The following ABCA1 variants were observed in gnomAD, a reference collection of about 807,000 sequenced individuals.
ABCA1 encodes the protein ATP binding cassette subfamily A member 1.
ABCA1 carries 133 observed loss-of-function variants against 262.5 expected under a neutral mutation model. The observed-to-expected ratio is 0.51, with a 90% CI of 0.44 to 0.59. ABCA1 has a LOEUF of 0.59. Ranked by LOEUF, ABCA1 falls within the 20% of genes least tolerant of loss-of-function variation. The pLI, the probability that ABCA1 is intolerant of heterozygous loss-of-function variation, is 0.00. For missense variants in ABCA1, 2,452 were observed against 2,777.5 expected (o/e 0.88, Z 2.63); for synonymous variants, 1,022 against 1,043.5 (o/e 0.98, Z 0.40).
At position 104,825,726 on chromosome 9, in the gene ABCA1, G is replaced by A. The variant is rs1391799443; in HGVS notation, c.2499C>T (p.Phe833=). 3 of 1,614,102 alleles carry A rather than the reference G, an allele frequency of 1.9e-6. No homozygotes were observed. The highest frequency in any genetic ancestry group is 2.5e-6 in the Non-Finnish European group (3 of 1,180,040). Residue 833 remains phenylalanine, a synonymous_variant, in exon 17 of 50, where the codon TTC becomes TTT. Coordinates refer to ENST00000374736, the MANE Select transcript of ABCA1 (RefSeq NM_005502.4). ...TGTACCAGGTCATCACCCCATAGAG[G>A]AAGGTGTCAAACAGCATCATGGAGA... ...TSVSMMLFDT[F]LYGVMTWYIE... is the part of the protein sequence containing the mutation.
rs1411370102 is a variant in ABCA1 at position 104,784,065 on chromosome 9, A to T, written c.*250T>A. 8.2e-6 allele frequency: 4 copies of T among 485,208 alleles called. No individual in the cohort carries two copies. In the Admixed American group the frequency reaches 1.0e-4, roughly 12 times the overall value. The allele number at this position is 485,208 out of a possible 1,614,324, so 30.1% of individuals were successfully genotyped here. On this transcript the variant is annotated 3_prime_UTR_variant, in exon 50 of 50. Coordinates refer to ENST00000374736, the MANE Select transcript of ABCA1 (RefSeq NM_005502.4). ...TTCCATAATAGAGTTTCACATAGGT[A>T]TAGGTAAAAAACTAAATTCAAGTCT...
intron 44 of ABCA1, among the ~76,000 whole-genome samples, chr9:104,789,444 G>T (rs995306348): frequency 6.6e-6 from 1 of 152,206 alleles, no homozygotes; most frequent in Non-Finnish European, 1.5e-5. Context: ...CTGCAAAAAT[G>T]TAAGAGACAG....
chr9:104,886,722 T>C (rs1839211536), intron 3 of ABCA1, among the ~76,000 whole-genome samples: 1 of 152,154 alleles, frequency 6.6e-6, no homozygotes, highest in Admixed American at 6.5e-5. Context: ...CCCCATCCTA[T>C]TTGCAAACAA....
chr9:104,909,779 A>G (rs1354413904), intron 1 of ABCA1, among the ~76,000 whole-genome samples: 1 of 151,920 alleles, frequency 6.6e-6, no homozygotes, highest in East Asian at 1.9e-4. Context: ...TTTCCAGGAG[A>G]GATGAGAGAT....
intron 6 of ABCA1, among the ~76,000 whole-genome samples, chr9:104,861,139 T>C (rs776233336): frequency 6.6e-6 from 1 of 152,178 alleles, no homozygotes; most frequent in East Asian, 1.9e-4. Flanking sequence ...AGAGCTAAAA[T>C]TGGAGAGATT....
chr9:104,804,544 C>T lies in ABCA1; in HGVS notation c.4559+82G>A, dbSNP rs893405798. 8.1e-6 allele frequency: 9 copies of T among 1,115,026 alleles called. No homozygotes were observed. The Admixed American group carries it at 1.2e-4, about 15-fold the overall frequency. The allele number at this position is 1,115,026 out of a possible 1,614,324, so 69.1% of individuals were successfully genotyped here. ...AGGCCATAATCTGGCATTTCCCCCA[C>T]TGTTTCAGTCTGTTATTTGTAGGTC... On this transcript the variant is annotated intron_variant, in intron 32 of 49. Coordinates refer to ENST00000374736, the MANE Select transcript of ABCA1 (RefSeq NM_005502.4).
At chr9:104,874,778 G>C (rs1234198106) in intron 5 of ABCA1, among the ~76,000 whole-genome samples, 1 of 140,708 alleles carries the variant, frequency 7.1e-6, no homozygotes, top group East Asian at 2.0e-4. Flanking sequence ...GGAGGGAGGT[G>C]GGGGGCAGCC....
intron 7 of ABCA1, chr9:104,855,949 A>G (rs1411235634): frequency 1.2e-6 from 2 of 1,612,860 alleles, no homozygotes; most frequent in Admixed American, 3.3e-5. Context: ...GTGAAATTCC[A>G]CTTTTGGTAC....
intron 12 of ABCA1, 59 bp from the exon 13 acceptor site, chr9:104,831,886 A>C: frequency 6.7e-7 from 1 of 1,497,256 alleles, no homozygotes; most frequent in Non-Finnish European, 9.3e-7. Flanking sequence ...GCAGTGGCTG[A>C]GACAAATCCT....
chr9:104,926,026 A>AC (rs398011732), intron 1 of ABCA1, among the ~76,000 whole-genome samples: 1 of 151,366 alleles, frequency 6.6e-6, no homozygotes, highest in Non-Finnish European at 1.5e-5. Flanking sequence ...TAAAAAAAAA[A>AC]GAAAAAAAAA....
intron 7 of ABCA1, among the ~76,000 whole-genome samples, chr9:104,857,886 T>C (rs1835985503): frequency 6.6e-6 from 1 of 152,158 alleles, no homozygotes; most frequent in African/African-American, 2.4e-5. Context: ...TAGAGACATA[T>C]TTGTTCTGGA....
intron 31 of ABCA1, among the ~76,000 whole-genome samples, 160 bp from the exon 32 acceptor site, chr9:104,804,880 C>G (rs1010784161): frequency 1.3e-5 from 2 of 152,196 alleles, no homozygotes; most frequent in African/African-American, 2.4e-5. Context: ...ACTTGGTTCA[C>G]CCTGCCCTCG....
At position 104,783,459 on chromosome 9, in the gene ABCA1, C is replaced by T. The variant is rs1828662866; in HGVS notation, c.*856G>A. 6.6e-6 allele frequency: 1 copy of T among 152,210 alleles called. No individual in the cohort carries two copies. Among genetic ancestry groups the T allele is most frequent in the Non-Finnish European group, 1.5e-5 (1 of 68,084 alleles). The allele number at this position is 152,210 out of a possible 1,614,324, so 9.4% of individuals were successfully genotyped here. On this transcript the variant is annotated 3_prime_UTR_variant, in exon 50 of 50. Coordinates refer to ENST00000374736, the MANE Select transcript of ABCA1 (RefSeq NM_005502.4). ...GTTTGAACGCACAATCTCTTTAATC[C>T]CATGCCCTGGCTTCAGCAGCTTGCA...
At chr9:104,832,463 A>G (rs1001365964) in intron 12 of ABCA1, 111 bp downstream of exon 12, 2 of 1,194,242 alleles carry the variant, frequency 1.7e-6, no homozygotes, top group African/African-American at 3.0e-5. Context: ...ATAGTTTTGT[A>G]AATGAGACTA....
At chr9:104,790,860 T>G in intron 44 of ABCA1, 62 bp downstream of exon 44, 4 of 1,172,752 alleles carry the variant, frequency 3.4e-6, no homozygotes, top group Non-Finnish European at 5.1e-6. Flanking sequence ...TAACAACCTA[T>G]TTCTTTAAAT....
rs1490595883 is a variant in ABCA1 at position 104,827,072 on chromosome 9, G to T, written c.2213C>A (p.Thr738Lys). The change falls in exon 16 of 50, where the codon ACA becomes AAA. Residue 738 changes from threonine (T) to lysine (K), a missense_variant. This residue lies in a region of ABCA1 where 1,032 missense variants were observed against 1,089.7 expected (regional missense o/e 0.95). Transcript: ENST00000374736. Reference protein sequence around the residue: ...VTILQCFLISTLFSRANLAAA... With the variant: ...VTILQCFLISKLFSRANLAAA... ...TGCCAGGTTGGCTCTGGAGAAGAGT[G>T]TGCTAATCAGGAAGCACTGCAGGAT... 6.2e-7 allele frequency: 1 copy of T among 1,614,188 alleles called. No individual in the cohort carries two copies. Among genetic ancestry groups the T allele is most frequent in the Admixed American group, 1.7e-5 (1 of 60,024 alleles).
chr9:104,845,586 A>C lies in ABCA1; in HGVS notation c.721-17T>G. The C allele has an allele frequency of 6.4e-7, 1 of 1,569,766 alleles. No individual in the cohort carries two copies. Among genetic ancestry groups the C allele is most frequent in the Non-Finnish European group, 8.8e-7 (1 of 1,140,288 alleles). ...TAGTGTTCTCTGTAATGAGAAAGAAAACTTTGTTTCTGAATTCAAATGTAA... is the reference window on the plus strand; with the variant it reads ...TAGTGTTCTCTGTAATGAGAAAGAACACTTTGTTTCTGAATTCAAATGTAA... On this transcript the variant is annotated splice_polypyrimidine_tract_variant and intron_variant, in intron 7 of 49. Coordinates refer to ENST00000374736, the MANE Select transcript of ABCA1 (RefSeq NM_005502.4).
chr9:104,834,447 C>T (rs77776122), intron 11 of ABCA1, among the ~76,000 whole-genome samples: 2,592 of 149,490 alleles, frequency 0.017, 168 homozygotes, highest in African/African-American at 0.045. Flanking sequence ...TTGTACCTCA[C>T]AAGTTCACAG....
At chr9:104,913,989 C>T (rs927628367) in intron 1 of ABCA1, among the ~76,000 whole-genome samples, 3 of 151,598 alleles carry the variant, frequency 2.0e-5, no homozygotes, top group Admixed American at 6.6e-5. Flanking sequence ...TTAGTAGAGA[C>T]GGGGTTTCGC....
Sources: allele counts gnomAD v4.1 joint callset (sites outside exome capture counted in the v4.1 genomes callset), GRCh38; gene constraint gnomAD v4.1.1; regional missense constraint gnomAD v4.1.1; transcripts MANE v1.5; gene names NCBI Gene and HGNC (gene_info 2026-07-23, HGNC 2026-07-21).